Variants in SLC39A11 observed in about 807,000 individuals in gnomAD.
SLC39A11 encodes the protein zinc transporter ZIP11.
In SLC39A11, 33 loss-of-function variants were observed where a neutral mutation model predicts 36.1. That is an observed-to-expected ratio of 0.91 (90% CI 0.69 to 1.22). The LOEUF (loss-of-function observed/expected upper bound fraction) is 1.22. Among genes scored for constraint, SLC39A11 ranks in the 50% most tolerant of loss-of-function variants. The probability of loss-of-function intolerance (pLI) is 0.00; values close to 1 mark genes in which losing one functional copy is unlikely to be tolerated. For synonymous variants in SLC39A11, 166 were observed against 170.3 expected (o/e 0.97, Z 0.20); for missense variants, 432 against 430.3 (o/e 1.00, Z -0.03).
At chr17:72,991,599 T>A (rs1322694102) in intron 4 of SLC39A11, among the ~76,000 whole-genome samples, 1 of 150,630 alleles carries the variant, frequency 6.6e-6, no homozygotes, top group Non-Finnish European at 1.5e-5. Flanking sequence ...TCTCAGATAA[T>A]CCCCCCGCCT....
intron 5 of SLC39A11, among the ~76,000 whole-genome samples, chr17:72,903,985 G>A (rs573333902): frequency 6.6e-6 from 1 of 152,324 alleles, no homozygotes; most frequent in African/African-American, 2.4e-5. Context: ...GGGAACAGAT[G>A]CTGGTCACTC....
At chr17:73,047,052 T>C (rs1341691351) in intron 3 of SLC39A11, among the ~76,000 whole-genome samples, 3 of 143,642 alleles carry the variant, frequency 2.1e-5, no homozygotes, top group African/African-American at 7.9e-5. Flanking sequence ...TGAGACGGAG[T>C]CTCGCTCTGT....
At chr17:72,733,898 C>A (rs1462401787) in intron 7 of SLC39A11, among the ~76,000 whole-genome samples, 1 of 152,136 alleles carries the variant, frequency 6.6e-6, no homozygotes, top group East Asian at 1.9e-4. Flanking sequence ...TACACACAAG[C>A]ACAGATGCTG....
intron 7 of SLC39A11, among the ~76,000 whole-genome samples, chr17:72,650,993 C>A (rs2069825449): frequency 6.6e-6 from 1 of 151,932 alleles, no homozygotes; most frequent in African/African-American, 2.4e-5. Context: ...TTGGCCTTTA[C>A]CCTGTTTTTT....
intron 5 of SLC39A11, among the ~76,000 whole-genome samples, chr17:72,906,911 CTG>C (rs1567927390): frequency 6.6e-6 from 1 of 152,174 alleles, no homozygotes; most frequent in African/African-American, 2.4e-5. Flanking sequence ...AGCAGTGCTC[CTG>C]GGCCAGCTCT....
At chr17:72,921,382 C>T (rs1567956847) in intron 5 of SLC39A11, among the ~76,000 whole-genome samples, 1 of 152,146 alleles carries the variant, frequency 6.6e-6, no homozygotes, top group Non-Finnish European at 1.5e-5. Flanking sequence ...AGGGTGAACA[C>T]TTGTCACAGA....
chr17:72,951,641 G>C (rs900948912), intron 4 of SLC39A11, among the ~76,000 whole-genome samples: 2 of 152,090 alleles, frequency 1.3e-5, no homozygotes, highest in Admixed American at 6.5e-5. Flanking sequence ...AGAAAAATAA[G>C]CCATATCTGT....
At chr17:72,940,887 T>A (rs2085060622) in intron 5 of SLC39A11, among the ~76,000 whole-genome samples, 1 of 152,174 alleles carries the variant, frequency 6.6e-6, no homozygotes, top group African/African-American at 2.4e-5. Flanking sequence ...CCTAAGAATG[T>A]AACTGTAAGG....
At chr17:73,003,672 A>AG (rs745346920) in intron 4 of SLC39A11, among the ~76,000 whole-genome samples, 16 of 152,208 alleles carry the variant, frequency 1.1e-4, no homozygotes, top group Non-Finnish European at 2.4e-4. Context: ...TGACTGAGCC[A>AG]GGGGTGAGGT....
At chr17:73,082,503 T>C (rs2060577422) in intron 3 of SLC39A11, among the ~76,000 whole-genome samples, 1 of 152,162 alleles carries the variant, frequency 6.6e-6, no homozygotes, top group African/African-American at 2.4e-5. Context: ...TTTTTCTTTT[T>C]CATAACATAA....
chr17:72,971,655 G>A (rs915497412), intron 4 of SLC39A11, among the ~76,000 whole-genome samples: 21 of 152,292 alleles, frequency 1.4e-4, no homozygotes, highest in African/African-American at 4.8e-4. Flanking sequence ...GCAGCTCCTG[G>A]CTGTCCCAGC....
intron 6 of SLC39A11, among the ~76,000 whole-genome samples, chr17:72,737,045 A>T (rs1373718686): frequency 6.7e-6 from 1 of 150,338 alleles, no homozygotes; most frequent in African/African-American, 2.5e-5. Flanking sequence ...GGAGGCCAAG[A>T]CAGGCAGATC....
chr17:72,905,172 CAAAAAAAAAA>C (rs58702930), intron 5 of SLC39A11, among the ~76,000 whole-genome samples: 4 of 42,900 alleles, frequency 9.3e-5, no homozygotes, highest in East Asian at 1.1e-3. Context: ...GACTCCATCT[CAAAAAAAAAA>C]AAAAAAAAAA....
At chr17:72,918,044 C>G (rs1011266517) in intron 5 of SLC39A11, among the ~76,000 whole-genome samples, 1 of 152,204 alleles carries the variant, frequency 6.6e-6, no homozygotes, top group African/African-American at 2.4e-5. Context: ...GCTGAACTTA[C>G]GAGATTCGTG....
intron 6 of SLC39A11, among the ~76,000 whole-genome samples, chr17:72,816,998 T>C (rs1311758976): frequency 1.3e-5 from 2 of 152,154 alleles, no homozygotes; most frequent in African/African-American, 2.4e-5. Context: ...TGCTTGATAT[T>C]AGATGCAGTA....
chr17:72,803,861 T>C (rs1339472543), intron 6 of SLC39A11, among the ~76,000 whole-genome samples: 2 of 152,100 alleles, frequency 1.3e-5, no homozygotes, highest in Non-Finnish European at 1.5e-5. Flanking sequence ...CCGGGTCAGA[T>C]GCTTTCCTAT....
Position 72,669,358 on chromosome 17 carries a change from G to T in SLC39A11, c.672-20090C>A, listed in dbSNP as rs561071175. Among the ~76,000 whole-genome samples, 7 of 152,278 alleles carry T rather than the reference G, an allele frequency of 4.6e-5. No individual in the cohort carries two copies. In the South Asian group the frequency reaches 1.2e-3, roughly 27 times the overall value. ...AGTGTGGGATCCCATGTTGCATTTAGTTGTGATGTCTCCTTTGCCTCCCCT... is the reference window on the plus strand; with the variant it reads ...AGTGTGGGATCCCATGTTGCATTTATTTGTGATGTCTCCTTTGCCTCCCCT... On this transcript the variant is annotated intron_variant, in intron 7 of 9. Transcript: ENST00000255559.
At chr17:72,740,692 T>G (rs2074657375) in intron 6 of SLC39A11, among the ~76,000 whole-genome samples, 1 of 152,224 alleles carries the variant, frequency 6.6e-6, no homozygotes, top group Admixed American at 6.5e-5. Context: ...GAGAGATCAC[T>G]TTTTACGGGA....
At chr17:72,720,995 G>A (rs2073640194) in intron 7 of SLC39A11, among the ~76,000 whole-genome samples, 1 of 151,790 alleles carries the variant, frequency 6.6e-6, no homozygotes, top group Non-Finnish European at 1.5e-5. Context: ...CTCCTGCCTG[G>A]CCAGGTCGCC....
Sources: gnomAD v4.1 joint callset for allele counts (sites outside exome capture counted in the v4.1 genomes callset) on GRCh38, gnomAD v4.1.1 for gene constraint, MANE v1.5 for transcripts, NCBI Gene and HGNC (gene_info 2026-07-23, HGNC 2026-07-21) for gene names.